Variants in SMARCA2 observed in about 807,000 individuals in gnomAD.
SMARCA2 encodes SWI/SNF related BAF chromatin remodeling complex subunit ATPase 2, also known as SWI/SNF-related matrix-associated actin-dependent regulator of chromatin subfamily A member 2.
Under a neutral mutation model 199.8 loss-of-function variants are expected in SMARCA2, and 61 were observed. The ratio of observed to expected loss-of-function variants is 0.31; its 90% confidence interval spans 0.25 to 0.38. The LOEUF (loss-of-function observed/expected upper bound fraction) is 0.38, where lower values mean the gene tolerates loss of function less well. SMARCA2 is among the 10% of genes least tolerant of loss of function. The pLI, the probability that SMARCA2 is intolerant of heterozygous loss-of-function variation, is 1.00. For missense variants in SMARCA2, 1,344 were observed against 2,012.2 expected (o/e 0.67, Z 6.35); for synonymous variants, 935 against 732.0 (o/e 1.28, Z -4.48).
In SMARCA2 at chr9:2,156,414, C is replaced by CTTTT. The variant is rs57161267; in HGVS notation, c.3982-5243_3982-5240dup. 4.7e-3 allele frequency among the ~76,000 whole-genome samples: 323 copies of CTTTT among 69,112 alleles called. 12 individuals are homozygous for CTTTT. Among genetic ancestry groups the CTTTT allele is most frequent in the East Asian group, 6.5e-3 (15 of 2,292 alleles). 45.3% of individuals were successfully genotyped at this position (69,112 alleles called of 152,430 possible). A position where few individuals can be genotyped will look rare whatever the true frequency, so the allele number is the denominator to read the frequency against. ...ATACCATAAAGTTTACCATTTTAGA[C>CTTTT]TTTTTTTTTTTTTTTTTTTTTTTTT... On this transcript the variant is annotated intron_variant, in intron 27 of 33. Transcript: ENST00000349721.
Position 2,158,958 on chromosome 9 carries a change from C to T in SMARCA2, c.3982-2728C>T, listed in dbSNP as rs758670199. 3.7e-6 allele frequency: 6 copies of T among 1,611,954 alleles called. No individual in the cohort carries two copies. In the East Asian group the frequency reaches 6.7e-5, roughly 18 times the overall value. On this transcript the variant is annotated intron_variant, in intron 27 of 33. Transcript: ENST00000349721. ...AGCTCTCTGCATTCCTGCATAAAAC[C>T]TTAGTTTGAGGGGAATAATGGTCAG...
intron 29 of SMARCA2, among the ~76,000 whole-genome samples, chr9:2,178,644 G>C (rs970615987): frequency 5.9e-5 from 9 of 151,934 alleles, no homozygotes; most frequent in African/African-American, 1.5e-4. Flanking sequence ...AAAAGCCCTC[G>C]CTCAGCTCAA....
At chr9:2,098,663 G>T (rs958415478) in intron 21 of SMARCA2, among the ~76,000 whole-genome samples, 8 of 152,258 alleles carry the variant, frequency 5.3e-5, no homozygotes, top group African/African-American at 1.9e-4. Flanking sequence ...AAATCTCATG[G>T]CTGGGTGCAG....
rs184094092 is a variant in SMARCA2, at chr9:2,176,703, C to G, written c.4254-4868C>G. On this transcript the variant is annotated intron_variant, in intron 29 of 33. Transcript: ENST00000349721. ...AGTAGCTTGGGACTACAGGCACATG[C>G]CACCACGCCTGGCTAAGTTTTGTAT... is the stretch of plus-strand genomic sequence containing the variant. Among the ~76,000 whole-genome samples, 87 of 148,832 alleles carry G rather than the reference C, an allele frequency of 5.8e-4. 1 individual carries two copies. The highest frequency in any genetic ancestry group is 2.0e-3 in the African/African-American group (82 of 40,266).
intron 5 of SMARCA2, among the ~76,000 whole-genome samples, chr9:2,052,476 A>C (rs757352683): frequency 6.6e-6 from 1 of 152,252 alleles, no homozygotes; most frequent in Non-Finnish European, 1.5e-5. Context: ...ACTCCATCTC[A>C]AACAAACAAA....
chr9:2,190,940 A>C (rs1283985033), intron 32 of SMARCA2, among the ~76,000 whole-genome samples: 1 of 152,180 alleles, frequency 6.6e-6, no homozygotes, highest in African/African-American at 2.4e-5. Context: ...CAACACCTCC[A>C]CAAGTAGAAA....
chr9:2,024,969 C>A (rs1301881817), intron 1 of SMARCA2, among the ~76,000 whole-genome samples: 1 of 152,142 alleles, frequency 6.6e-6, no homozygotes, highest in Non-Finnish European at 1.5e-5. Flanking sequence ...CTGTTGGTTA[C>A]AATTAGACTG....
chr9:2,082,100 T>C, intron 15 of SMARCA2, 105 bp downstream of exon 15: 1 of 936,530 alleles, frequency 1.1e-6, no homozygotes, highest in Non-Finnish European at 1.6e-6. Context: ...TAGCATGTAC[T>C]AACCTAAATC....
At chr9:2,190,720 T>C (rs1369611926) in intron 32 of SMARCA2, among the ~76,000 whole-genome samples, 1 of 152,146 alleles carries the variant, frequency 6.6e-6, no homozygotes, top group Non-Finnish European at 1.5e-5. Flanking sequence ...TAATTAGTTA[T>C]AGGGAAAGAG....
At chr9:2,034,429 G>A (rs1467950734) in intron 3 of SMARCA2, among the ~76,000 whole-genome samples, 2 of 152,048 alleles carry the variant, frequency 1.3e-5, no homozygotes, top group Non-Finnish European at 2.9e-5. Flanking sequence ...CTTCACTGGT[G>A]AAAACTATTC....
chr9:2,176,190 T>G (rs898500081), intron 29 of SMARCA2, among the ~76,000 whole-genome samples: 1 of 135,926 alleles, frequency 7.4e-6, no homozygotes, highest in Non-Finnish European at 1.5e-5. Flanking sequence ...CTGTTTTTTT[T>G]TTTTTTTTTT....
At chr9:2,106,508 G>A (rs1472815873) in intron 23 of SMARCA2, among the ~76,000 whole-genome samples, 1 of 152,286 alleles carries the variant, frequency 6.6e-6, no homozygotes, top group South Asian at 2.1e-4. Flanking sequence ...AACAGCAGCC[G>A]TTCCTTTTAA....
Position 2,056,582 on chromosome 9 carries a change from C to CT in SMARCA2, c.1174-89dup. 1 of 1,187,546 alleles carries CT rather than the reference C, an allele frequency of 8.4e-7. No individual in the cohort carries two copies. Among genetic ancestry groups the CT allele is most frequent in the Non-Finnish European group, 1.2e-6 (1 of 853,012 alleles). 73.6% of individuals were successfully genotyped at this position (1,187,546 alleles called of 1,614,324 possible). A position where few individuals can be genotyped will look rare whatever the true frequency, so the allele number is the denominator to read the frequency against. On this transcript the variant is annotated intron_variant, in intron 6 of 33. Coordinates refer to ENST00000349721, the MANE Select transcript of SMARCA2 (RefSeq NM_003070.5). The surrounding 1 kb of genome is among the most constrained non-coding windows in gnomAD (Gnocchi z 4.0). ...GCTTGTGGAGATTCCCCGCCCCACT[C>CT]TATTCCATTAAATGCAACCGCGAGA...
rs138319318 is a variant in SMARCA2, at chr9:2,084,145, C to G, written c.2475C>G (p.Val825=). 6.2e-7 allele frequency: 1 copy of G among 1,611,898 alleles called. No individual in the cohort carries two copies. Among genetic ancestry groups the G allele is most frequent in the Admixed American group, 1.7e-5 (1 of 59,994 alleles). Residue 825 remains valine (V), a synonymous_variant, in exon 17 of 34, where the codon GTC becomes GTG. Coordinates refer to ENST00000349721, the MANE Select transcript of SMARCA2 (RefSeq NM_003070.5). ...AGCTACGGAGTGGCAAATTCAATGT[C>G]CTCTTGACTACTTATGAGTATATTA... is the stretch of plus-strand genomic sequence containing the variant. ...VPQLRSGKFN[V]LLTTYEYIIK...
chr9:2,087,745 T>C (rs1821861914), intron 18 of SMARCA2, among the ~76,000 whole-genome samples: 1 of 152,222 alleles, frequency 6.6e-6, no homozygotes, highest in African/African-American at 2.4e-5. Flanking sequence ...TCCTCATTCA[T>C]AGGAATGAAA....
chr9:2,058,183 T>G (rs1409068280), intron 7 of SMARCA2, 108 bp from the exon 8 acceptor site: 1 of 930,108 alleles, frequency 1.1e-6, no homozygotes, highest in African/African-American at 1.6e-5. Flanking sequence ...CTAGTCTTCC[T>G]ATGCTGTTAA....
chr9:2,151,160 A>C (rs1029946715), intron 27 of SMARCA2, among the ~76,000 whole-genome samples: 9 of 151,346 alleles, frequency 5.9e-5, no homozygotes, highest in Non-Finnish European at 1.2e-4. Flanking sequence ...TAATCATATC[A>C]CTTCTCAGAA....
In SMARCA2 at chr9:2,170,491, T is replaced by C. The variant is rs1321234148; in HGVS notation, c.4253+19T>C. On this transcript the variant is annotated intron_variant, in intron 29 of 33. Coordinates refer to ENST00000349721, the MANE Select transcript of SMARCA2 (RefSeq NM_003070.5). The surrounding 1 kb of genome is among the most constrained non-coding windows in gnomAD (Gnocchi z 4.7). ...GAAACAGGTCAGGATCTGTCTTGTATTCCCCTATCTCTAAATACAGGTATC... is the reference window on the plus strand; with the variant it reads ...GAAACAGGTCAGGATCTGTCTTGTACTCCCCTATCTCTAAATACAGGTATC... 2 of 1,613,942 alleles carry C rather than the reference T, an allele frequency of 1.2e-6. No individual in the cohort carries two copies. Among genetic ancestry groups the C allele is most frequent in the Non-Finnish European group, 1.7e-6 (2 of 1,179,938 alleles).
At chr9:2,185,187 C>A (rs1038456072) in intron 31 of SMARCA2, among the ~76,000 whole-genome samples, 1 of 152,170 alleles carries the variant, frequency 6.6e-6, no homozygotes, top group Non-Finnish European at 1.5e-5. Context: ...CTCTCATCTC[C>A]TTCCCCCAGC....
Sources: gnomAD v4.1 joint callset for allele counts (sites outside exome capture counted in the v4.1 genomes callset) on GRCh38, gnomAD v4.1.1 for gene constraint, Gnocchi (gnomAD v3.1) non-coding constraint, MANE v1.5 for transcripts, NCBI Gene and HGNC (gene_info 2026-07-23, HGNC 2026-07-21) for gene names.